The following MAP6 variants were observed in gnomAD, a reference collection of about 807,000 sequenced individuals.
MAP6 encodes the protein microtubule-associated protein 6.
In MAP6, 26 loss-of-function variants were observed where a neutral mutation model predicts 42.4. The observed-to-expected ratio is 0.61, with a 90% CI of 0.45 to 0.85. The LOEUF is 0.85. MAP6 is among the 40% of genes least tolerant of loss of function. The pLI, the probability that MAP6 is intolerant of heterozygous loss-of-function variation, is 0.00. For missense variants in MAP6, 966 were observed against 1,099.0 expected, an observed-to-expected ratio of 0.88 and a Z score of 1.71; for synonymous variants, 418 against 443.8, an observed-to-expected ratio of 0.94 and a Z score of 0.73.
chr11:75,607,055 T>C (rs1205733406), intron 2 of MAP6, among the ~76,000 whole-genome samples: 2 of 152,180 alleles, frequency 1.3e-5, no homozygotes, highest in East Asian at 1.9e-4. Context: ...GGCTGGATCA[T>C]TCACTCACTG....
chr11:75,624,410 T>G (rs1943162374), intron 1 of MAP6, among the ~76,000 whole-genome samples: 1 of 152,106 alleles, frequency 6.6e-6, no homozygotes, highest in African/African-American at 2.4e-5. Flanking sequence ...GGCACTTACA[T>G]GCACTCACTC....
In MAP6 at chr11:75,667,403, G is replaced by C. The variant is rs190691579; in HGVS notation, c.905+62C>G. 4.8e-4 allele frequency: 659 copies of C among 1,363,682 alleles called. 4 individuals carry two copies. The African/African-American group carries it at 9.2e-3, about 19-fold the overall frequency. 84.5% of individuals were successfully genotyped at this position (1,363,682 alleles called of 1,614,324 possible). On this transcript the variant is annotated intron_variant, in intron 1 of 3. Transcript: ENST00000304771. This position sits in a 1 kb window ranked among gnomAD's most constrained non-coding sequence, Gnocchi z 5.6. ...GCCTGCGCTGGGGATCCTGGGCCCC[G>C]GGCAGCCCGCGGGGAGGGTCTGCGT...
intron 1 of MAP6, among the ~76,000 whole-genome samples, chr11:75,663,595 T>A (rs1346976709): frequency 6.6e-6 from 1 of 152,080 alleles, no homozygotes; most frequent in Non-Finnish European, 1.5e-5. Flanking sequence ...GACAAGAGTA[T>A]TTTACAATCA....
intron 3 of MAP6, chr11:75,599,172 C>T (rs1021060577): frequency 1.3e-5 from 2 of 152,154 alleles, no homozygotes; most frequent in African/African-American, 4.8e-5. Flanking sequence ...ACTTTTAAAG[C>T]TCAGCATCTG....
chr11:75,666,884 G>C (rs1943956957), intron 1 of MAP6, among the ~76,000 whole-genome samples: 1 of 152,184 alleles, frequency 6.6e-6, no homozygotes, highest in Non-Finnish European at 1.5e-5. Context: ...GAGGTGGAAG[G>C]ACAATGACTT....
rs1213122393 is a variant in MAP6 at position 75,668,629 on chromosome 11, G to T, written c.-260C>A. ...TGCTGCGAGCGCCGAAGGGTGAGAC[G>T]CACGGCGTTCCCGAGTCCCCGGCGA... On this transcript the variant is annotated 5_prime_UTR_variant, in exon 1 of 4. Coordinates refer to ENST00000304771, the MANE Select transcript of MAP6 (RefSeq NM_033063.2). 2.4e-5 allele frequency: 8 copies of T among 326,690 alleles called. No individual in the cohort carries two copies. Among genetic ancestry groups the T allele is most frequent in the Non-Finnish European group, 4.3e-5 (8 of 184,598 alleles). The allele number at this position is 326,690 out of a possible 1,614,324, so 20.2% of individuals were successfully genotyped here.
Position 75,667,761 on chromosome 11 carries a change from G to A in MAP6, c.609C>T (p.Arg203=), listed in dbSNP as rs1590817622. ...APKRRPQSQE[R]WPVQAAAEAR... is the part of the protein sequence containing the mutation. ...CCTCAGCGGCGGCCTGCACTGGCCA[G>A]CGCTCCTGGCTCTGCGGCCGGCGCT... is the stretch of plus-strand genomic sequence containing the variant. Residue 203 remains arginine (R), a synonymous_variant, in exon 1 of 4, where the codon CGC becomes CGT. Transcript: ENST00000304771. This position sits in a 1 kb window ranked among gnomAD's most constrained non-coding sequence, Gnocchi z 5.6. The A allele has an allele frequency of 7.6e-7, 1 of 1,309,032 alleles. No individual in the cohort carries two copies. The allele number at this position is 1,309,032 out of a possible 1,614,324, so 81.1% of individuals were successfully genotyped here.
intron 1 of MAP6, among the ~76,000 whole-genome samples, chr11:75,618,427 T>C (rs1943040946): frequency 6.6e-6 from 1 of 151,912 alleles, no homozygotes; most frequent in South Asian, 2.1e-4. Context: ...ACCAACATGG[T>C]GAAACCCCAT....
intron 1 of MAP6, among the ~76,000 whole-genome samples, chr11:75,666,777 C>A (rs906696033): frequency 6.6e-6 from 1 of 152,100 alleles, no homozygotes; most frequent in African/African-American, 2.4e-5. Context: ...AAAGTGTGAA[C>A]AATCCTAAGA....
chr11:75,665,836 C>T (rs1262721434), intron 1 of MAP6, among the ~76,000 whole-genome samples: 1 of 152,094 alleles, frequency 6.6e-6, no homozygotes, highest in Non-Finnish European at 1.5e-5. Flanking sequence ...TGCTGTACTC[C>T]TGGGTTCCCA....
chr11:75,666,144 GACCCC>G (rs931767487), intron 1 of MAP6, among the ~76,000 whole-genome samples: 4 of 152,084 alleles, frequency 2.6e-5, no homozygotes, highest in African/African-American at 9.7e-5. Flanking sequence ...ATTGATAAAG[GACCCC>G]ATAAGCTGCA....
chr11:75,614,496 C>T (rs1942961558), intron 1 of MAP6, among the ~76,000 whole-genome samples: 1 of 152,208 alleles, frequency 6.6e-6, no homozygotes, highest in Non-Finnish European at 1.5e-5. Context: ...TCTGGGATTA[C>T]TCTCTCTGGG....
At chr11:75,630,860 G>A (rs1943274472) in intron 1 of MAP6, among the ~76,000 whole-genome samples, 1 of 152,140 alleles carries the variant, frequency 6.6e-6, no homozygotes, top group South Asian at 2.1e-4. Flanking sequence ...AAGAACAATT[G>A]TCCAAATGTA....
At chr11:75,663,744 G>A (rs946525785) in intron 1 of MAP6, among the ~76,000 whole-genome samples, 1 of 152,216 alleles carries the variant, frequency 6.6e-6, no homozygotes, top group Non-Finnish European at 1.5e-5. Flanking sequence ...TGACCCAAAA[G>A]GAAATTAGGG....
At chr11:75,627,782 A>G (rs1943221767) in intron 1 of MAP6, among the ~76,000 whole-genome samples, 1 of 152,150 alleles carries the variant, frequency 6.6e-6, no homozygotes, top group South Asian at 2.1e-4. Context: ...TTGACCTTGG[A>G]CAGCAATAAG....
intron 1 of MAP6, among the ~76,000 whole-genome samples, chr11:75,659,157 C>T (rs1051012336): frequency 1.3e-5 from 2 of 152,140 alleles, no homozygotes; most frequent in Non-Finnish European, 2.9e-5. Context: ...GAAAGACAAG[C>T]GTAGACAAAG....
At chr11:75,610,922 T>C (rs1942885738) in intron 1 of MAP6, among the ~76,000 whole-genome samples, 5 of 152,098 alleles carry the variant, frequency 3.3e-5, no homozygotes, top group Admixed American at 3.3e-4. Context: ...GAAGCTCTCC[T>C]GATTCTGTTC....
At chr11:75,626,812 G>A (rs548945140) in intron 1 of MAP6, among the ~76,000 whole-genome samples, 1 of 152,292 alleles carries the variant, frequency 6.6e-6, no homozygotes, top group South Asian at 2.1e-4. Flanking sequence ...CTACGATCCA[G>A]GCCCTGGGAA....
At chr11:75,665,018 T>G (rs908565131) in intron 1 of MAP6, among the ~76,000 whole-genome samples, 5 of 152,174 alleles carry the variant, frequency 3.3e-5, no homozygotes, top group African/African-American at 4.8e-5. Context: ...TATAGCAAAA[T>G]AGTACTCCTG....
Sources: gnomAD v4.1 joint callset for allele counts (sites outside exome capture counted in the v4.1 genomes callset) on GRCh38, gnomAD v4.1.1 for gene constraint, Gnocchi (gnomAD v3.1) non-coding constraint, MANE v1.5 for transcripts, NCBI Gene and HGNC (gene_info 2026-07-23, HGNC 2026-07-21) for gene names.